The following DAPK2 variants were observed in gnomAD, a reference collection of about 807,000 sequenced individuals.
The protein encoded by DAPK2 is death-associated protein kinase 2.
Under a neutral mutation model 44.1 loss-of-function variants are expected in DAPK2, and 35 were observed. The observed-to-expected ratio is 0.79, with a 90% CI of 0.61 to 1.05. DAPK2 has a LOEUF of 1.05. DAPK2 is among the 50% of genes least tolerant of loss of function. DAPK2 has a pLI of 0.00. For missense variants in DAPK2, 453 were observed against 483.2 expected, an observed-to-expected ratio of 0.94 and a Z score of 0.59; for synonymous variants, 174 against 182.6, an observed-to-expected ratio of 0.95 and a Z score of 0.38.
intron 1 of DAPK2, among the ~76,000 whole-genome samples, chr15:64,022,320 A>C (rs931033276): frequency 1.3e-5 from 2 of 152,230 alleles, no homozygotes; most frequent in African/African-American, 4.8e-5. Flanking sequence ...CTCTGTTAAC[A>C]GTCATTTTCT....
At chr15:63,979,239 T>C (rs1173672939) in intron 2 of DAPK2, among the ~76,000 whole-genome samples, 2 of 152,206 alleles carry the variant, frequency 1.3e-5, no homozygotes, top group Admixed American at 6.5e-5. Context: ...CTATACCCCA[T>C]ACAGAAGTCA....
chr15:64,040,400 A>C (rs1047747736), upstream of DAPK2: 3 of 672,732 alleles, frequency 4.5e-6, no homozygotes, highest in African/African-American at 5.4e-5. Context: ...GTTCTTCAAG[A>C]ACTGCCCTGC....
intron 1 of DAPK2, among the ~76,000 whole-genome samples, chr15:64,038,502 C>T (rs1362500451): frequency 6.6e-6 from 1 of 152,180 alleles, no homozygotes; most frequent in African/African-American, 2.4e-5. Context: ...CCTCTTCCTA[C>T]CCCTTCACCA....
chr15:64,015,158 T>C (rs376246562), intron 1 of DAPK2, among the ~76,000 whole-genome samples: 48 of 152,290 alleles, frequency 3.2e-4, no homozygotes, highest in African/African-American at 1.2e-3. Context: ...CTGTGCCAGC[T>C]GCAGTCTGGC....
chr15:63,972,400 G>T (rs2078237322), intron 2 of DAPK2, among the ~76,000 whole-genome samples: 1 of 152,158 alleles, frequency 6.6e-6, no homozygotes, highest in Non-Finnish European at 1.5e-5. Context: ...GGGTGGTCCT[G>T]GTGAGGGATC....
At chr15:64,014,531 G>C (rs2079470482) in intron 1 of DAPK2, among the ~76,000 whole-genome samples, 1 of 152,224 alleles carries the variant, frequency 6.6e-6, no homozygotes. Flanking sequence ...GGCACTGACA[G>C]GTGTTTACCA....
At chr15:64,018,505 G>A (rs761452330) in intron 1 of DAPK2, among the ~76,000 whole-genome samples, 20 of 152,076 alleles carry the variant, frequency 1.3e-4, no homozygotes, top group Non-Finnish European at 2.2e-4. Flanking sequence ...TCCCTGCCCC[G>A]CAACAAATGG....
chr15:63,987,808 C>T (rs11636772), intron 1 of DAPK2, among the ~76,000 whole-genome samples: 15,750 of 152,202 alleles, frequency 0.1, 1,109 homozygotes, highest in South Asian at 0.31. Flanking sequence ...CTAGTCAGAG[C>T]CCTACCACTA....
intron 2 of DAPK2, among the ~76,000 whole-genome samples, chr15:63,977,936 A>G (rs1476984625): frequency 6.6e-6 from 1 of 152,168 alleles, no homozygotes; most frequent in African/African-American, 2.4e-5. Context: ...AAAGGCTCAA[A>G]GCAGCCCCAG....
At chr15:63,967,672 C>A (rs1004884646) in intron 3 of DAPK2, among the ~76,000 whole-genome samples, 21 of 152,152 alleles carry the variant, frequency 1.4e-4, no homozygotes, top group African/African-American at 5.1e-4. Flanking sequence ...ACCTGGGCAA[C>A]AGAGCGAGAC....
At chr15:64,021,531 C>T (rs773249017) in intron 1 of DAPK2, among the ~76,000 whole-genome samples, 1 of 152,246 alleles carries the variant, frequency 6.6e-6, no homozygotes, top group Non-Finnish European at 1.5e-5. Flanking sequence ...CCCCTGTGCT[C>T]GTTGAGTGCC....
At chr15:64,010,048 T>C (rs2079347515) in intron 1 of DAPK2, among the ~76,000 whole-genome samples, 1 of 152,180 alleles carries the variant, frequency 6.6e-6, no homozygotes, top group Non-Finnish European at 1.5e-5. Flanking sequence ...GAGTTCTCTG[T>C]AGCACCTGAT....
At chr15:63,998,775 A>C (rs1434132456) in intron 1 of DAPK2, among the ~76,000 whole-genome samples, 1 of 152,202 alleles carries the variant, frequency 6.6e-6, no homozygotes, top group African/African-American at 2.4e-5. Context: ...CGTGGGCTGT[A>C]GTCTCCTGAA....
chr15:63,919,918 T>C (rs1163052904), intron 8 of DAPK2: 2 of 152,224 alleles, frequency 1.3e-5, no homozygotes, highest in Non-Finnish European at 2.9e-5. Flanking sequence ...ATATTTGCAG[T>C]GTCTCAGCAC....
chr15:63,960,043 G>T (rs1309375015), intron 3 of DAPK2, among the ~76,000 whole-genome samples: 1 of 152,168 alleles, frequency 6.6e-6, no homozygotes, highest in Admixed American at 6.5e-5. Flanking sequence ...CCTGTTATTG[G>T]TCTATTCAGG....
chr15:63,967,915 G>C (rs572341866), intron 3 of DAPK2, among the ~76,000 whole-genome samples: 1 of 152,174 alleles, frequency 6.6e-6, no homozygotes, highest in Non-Finnish European at 1.5e-5. Context: ...TAGAGAACAG[G>C]TTATGGGTAA....
intron 1 of DAPK2, among the ~76,000 whole-genome samples, chr15:64,036,305 G>GTATA (rs1247245619): frequency 6.7e-4 from 34 of 50,796 alleles, no homozygotes; most frequent in East Asian, 1.4e-3. Context: ...GTGTGTGTGT[G>GTATA]TGTGTATATA....
At chr15:64,005,414 A>C (rs1477578221) in intron 1 of DAPK2, among the ~76,000 whole-genome samples, 4 of 151,098 alleles carry the variant, frequency 2.6e-5, no homozygotes, top group African/African-American at 9.8e-5. Flanking sequence ...CCTTTCCTTG[A>C]CCTAAGTCAT....
chr15:63,927,759 G>GAAA (rs1267571095), intron 6 of DAPK2, among the ~76,000 whole-genome samples: 4 of 110,172 alleles, frequency 3.6e-5, no homozygotes, highest in Non-Finnish European at 8.1e-5. Context: ...TTTTTTTTTT[G>GAAA]AGACAGGGTC....
Sources: allele counts gnomAD v4.1 joint callset (sites outside exome capture counted in the v4.1 genomes callset), GRCh38; gene constraint gnomAD v4.1.1; transcripts MANE v1.5; gene names NCBI Gene and HGNC (gene_info 2026-07-23, HGNC 2026-07-21).